Variants in SCD5 observed in about 807,000 individuals in gnomAD.
The protein encoded by SCD5 is stearoyl-CoA desaturase 5, also known as acyl-CoA-desaturase 4.
Under a neutral mutation model 30.4 loss-of-function variants are expected in SCD5, and 20 were observed. The observed-to-expected ratio is 0.66, with a 90% CI of 0.46 to 0.96. The LOEUF is 0.96. SCD5 is among the 40% of genes least tolerant of loss of function. The probability of loss-of-function intolerance (pLI) is 0.00; values close to 1 mark genes in which losing one functional copy is unlikely to be tolerated. For synonymous variants in SCD5, 173 were observed against 176.4 expected, an observed-to-expected ratio of 0.98 and a Z score of 0.16; for missense variants, 381 against 443.3, an observed-to-expected ratio of 0.86 and a Z score of 1.26.
intron 1 of SCD5, among the ~76,000 whole-genome samples, chr4:82,747,069 G>GCCCCCCCCCCCCCCCCCCCCCC (rs151046123): frequency 7.2e-6 from 1 of 139,800 alleles, no homozygotes. Flanking sequence ...TGGGCAACCT[G>GCCCCCCCCCCCCCCCCCCCCCC]CCCCCCAAGA....
Position 82,662,927 on chromosome 4 carries a change from C to T in SCD5, c.569+17780G>A, listed in dbSNP as rs1456891268. Among the ~76,000 whole-genome samples, 5 of 150,212 alleles carry T rather than the reference C, an allele frequency of 3.3e-5. No individual in the cohort carries two copies. In the East Asian group the frequency reaches 7.7e-4, roughly 23 times the overall value. On this transcript the variant is annotated intron_variant, in intron 3 of 4. Transcript: ENST00000319540. Reference sequence around the variant, plus strand: ...TTCATGAAAAATAATTATGATACATCGTCACAATGAAATATTAAGCAACCA... The same window carrying T: ...TTCATGAAAAATAATTATGATACATTGTCACAATGAAATATTAAGCAACCA...
At chr4:82,708,908 T>C (rs1047230931) in intron 1 of SCD5, among the ~76,000 whole-genome samples, 17 of 65,654 alleles carry the variant, frequency 2.6e-4, no homozygotes, top group African/African-American at 1.1e-3. Context: ...AGAGTGAACA[T>C]TAATAAATAA....
At chr4:82,674,757 T>C (rs1728400488) in intron 3 of SCD5, among the ~76,000 whole-genome samples, 1 of 152,162 alleles carries the variant, frequency 6.6e-6, no homozygotes, top group South Asian at 2.1e-4. Context: ...TAAACTTCAA[T>C]AGATCTGGAC....
At chr4:82,647,581 AGG>A (rs1727658601) in intron 3 of SCD5, among the ~76,000 whole-genome samples, 1 of 152,190 alleles carries the variant, frequency 6.6e-6, no homozygotes, top group African/African-American at 2.4e-5. Context: ...TGTGCTCTAA[AGG>A]TTACGTGGGT....
At chr4:82,712,299 T>TATACA (rs1560540883) in intron 1 of SCD5, among the ~76,000 whole-genome samples, 16 of 31,988 alleles carry the variant, frequency 5.0e-4, no homozygotes, top group Non-Finnish European at 8.5e-4. Flanking sequence ...TATATATATT[T>TATACA]TATTTTTATT....
intron 1 of SCD5, among the ~76,000 whole-genome samples, chr4:82,746,936 G>A (rs1720998147): frequency 8.8e-6 from 1 of 113,300 alleles, no homozygotes; most frequent in African/African-American, 2.8e-5. Context: ...GAGACCTTAA[G>A]TGGACGCAGA....
chr4:82,662,857 C>CAAA (rs11340677), intron 3 of SCD5, among the ~76,000 whole-genome samples: 3 of 72,820 alleles, frequency 4.1e-5, no homozygotes, highest in Admixed American at 3.0e-4. Flanking sequence ...AACTCCGTCT[C>CAAA]AAAAAAAAAA....
At chr4:82,764,590 A>G (rs1721447130) in intron 1 of SCD5, among the ~76,000 whole-genome samples, 1 of 152,216 alleles carries the variant, frequency 6.6e-6, no homozygotes, top group Non-Finnish European at 1.5e-5. Flanking sequence ...GTATCATATA[A>G]GAATCTTACA....
At chr4:82,705,788 G>A (rs1449007136) in intron 1 of SCD5, among the ~76,000 whole-genome samples, 3 of 152,136 alleles carry the variant, frequency 2.0e-5, no homozygotes, top group Admixed American at 2.0e-4. Flanking sequence ...CCTCTTAATT[G>A]GCACACATGA....
chr4:82,720,434 G>C (rs906795672), intron 1 of SCD5, among the ~76,000 whole-genome samples: 8 of 23,764 alleles, frequency 3.4e-4, no homozygotes, highest in East Asian at 1.1e-3. Flanking sequence ...CTCAAAAAAG[G>C]CAAAAATAAA....
intron 1 of SCD5, among the ~76,000 whole-genome samples, chr4:82,712,462 C>G (rs893973645): frequency 1.6e-4 from 24 of 149,760 alleles, no homozygotes; most frequent in Admixed American, 1.3e-3. Flanking sequence ...GGATTACAGG[C>G]GTGTGCCATC....
intron 3 of SCD5, among the ~76,000 whole-genome samples, chr4:82,663,764 T>C (rs1728086684): frequency 6.6e-6 from 1 of 152,170 alleles, no homozygotes; most frequent in Admixed American, 6.5e-5. Context: ...AAATTGTTTG[T>C]CTCTGGGAGA....
chr4:82,757,426 G>A (rs563854996), intron 1 of SCD5, among the ~76,000 whole-genome samples: 1 of 152,244 alleles, frequency 6.6e-6, no homozygotes, highest in African/African-American at 2.4e-5. Context: ...CATCTCTTTA[G>A]ACCCTCAGTA....
Position 82,765,433 on chromosome 4 carries a change from A to T in SCD5, c.232+32873T>A, listed in dbSNP as rs376540353. ...GTATCCACAGTGAATTGGTTCCAGGACTCCATAAGGATACCCAAATACCTT... is the reference window on the plus strand; with the variant it reads ...GTATCCACAGTGAATTGGTTCCAGGTCTCCATAAGGATACCCAAATACCTT... On this transcript the variant is annotated intron_variant, in intron 1 of 4. Transcript: ENST00000319540. 2.0e-4 allele frequency among the ~76,000 whole-genome samples: 30 copies of T among 152,210 alleles called. No homozygotes were observed. In the East Asian group the frequency reaches 5.2e-3, roughly 26 times the overall value.
intron 3 of SCD5, among the ~76,000 whole-genome samples, chr4:82,642,478 T>G (rs1727564995): frequency 6.6e-6 from 1 of 152,206 alleles, no homozygotes; most frequent in Non-Finnish European, 1.5e-5. Context: ...CTTCTTCCTC[T>G]TCTTAAACTG....
chr4:82,768,888 C>A (rs1721552312), intron 1 of SCD5, among the ~76,000 whole-genome samples: 1 of 151,512 alleles, frequency 6.6e-6, no homozygotes, highest in Admixed American at 6.6e-5. Flanking sequence ...CAGGACTGAG[C>A]CCAGCTCTGC....
chr4:82,717,878 T>C (rs1720262424), intron 1 of SCD5, among the ~76,000 whole-genome samples: 3 of 151,504 alleles, frequency 2.0e-5, no homozygotes, highest in African/African-American at 7.3e-5. Context: ...GTGGTACCAC[T>C]GCACTCCAGC....
intron 3 of SCD5, among the ~76,000 whole-genome samples, chr4:82,654,224 A>G (rs1727822506): frequency 6.6e-6 from 1 of 152,162 alleles, no homozygotes; most frequent in African/African-American, 2.4e-5. Flanking sequence ...CAGCACTAGG[A>G]TCTTTTTATC....
intron 2 of SCD5, chr4:82,692,506 C>T (rs879790213): frequency 2.6e-5 from 4 of 152,408 alleles, no homozygotes; most frequent in Admixed American, 2.0e-4. Context: ...TGACTGCCAG[C>T]TGGCGCCTGT....
Sources: allele counts gnomAD v4.1 joint callset (sites outside exome capture counted in the v4.1 genomes callset), GRCh38; gene constraint gnomAD v4.1.1; transcripts MANE v1.5; gene names NCBI Gene and HGNC (gene_info 2026-07-23, HGNC 2026-07-21).